GPC6: variants seen among roughly 807,000 people sequenced by gnomAD.
GPC6 encodes glypican-6.
A neutral mutation model predicts 55.2 loss-of-function variants in GPC6; 14 were observed. The observed-to-expected ratio is 0.25, with a 90% CI of 0.17 to 0.40. The LOEUF is 0.40. Among genes scored for constraint, GPC6 ranks in the 10% least tolerant of loss-of-function variants. The probability of loss-of-function intolerance (pLI) is 1.00; values close to 1 mark genes in which losing one functional copy is unlikely to be tolerated. For synonymous variants in GPC6, 278 were observed against 259.6 expected, an observed-to-expected ratio of 1.07 and a Z score of -0.68; for missense variants, 641 against 708.5, an observed-to-expected ratio of 0.90 and a Z score of 1.08.
intron 4 of GPC6, among the ~76,000 whole-genome samples, chr13:94,078,055 T>C (rs1884979561): frequency 6.6e-6 from 1 of 151,928 alleles, no homozygotes; most frequent in Admixed American, 6.6e-5. Context: ...ATTGAAATCA[T>C]GTCAAGTATC....
chr13:93,615,182 A>G lies in GPC6; in HGVS notation c.319+69761A>G, dbSNP rs925814476. On this transcript the variant is annotated intron_variant, in intron 2 of 8. Transcript: ENST00000377047. ...TCCTGTGGTGGAATTTGGTTGGTAT[A>G]CTTCCTAGAATTTAACCCTAACCAG... is the stretch of plus-strand genomic sequence containing the variant. Among the ~76,000 whole-genome samples, 3 of 152,172 alleles carry G rather than the reference A, an allele frequency of 2.0e-5. No individual in the cohort carries two copies. The East Asian group carries it at 5.8e-4, about 29-fold the overall frequency.
chr13:93,439,010 A>G (rs1040842669), intron 1 of GPC6, among the ~76,000 whole-genome samples: 5 of 152,212 alleles, frequency 3.3e-5, no homozygotes, highest in Non-Finnish European at 7.3e-5. Context: ...TTAATGACTC[A>G]CTGAAAGCTG....
At chr13:93,957,715 C>T (rs913374410) in intron 3 of GPC6, among the ~76,000 whole-genome samples, 2 of 152,122 alleles carry the variant, frequency 1.3e-5, no homozygotes, top group East Asian at 3.9e-4. Flanking sequence ...GAATTATGAT[C>T]TATTTTCCTT....
chr13:93,909,883 T>G lies in GPC6; in HGVS notation c.711+79338T>G, dbSNP rs74109119. Among the ~76,000 whole-genome samples, 331 of 152,220 alleles carry G rather than the reference T, an allele frequency of 2.2e-3. 3 individuals carry two copies. The highest frequency in any genetic ancestry group is 7.7e-3 in the African/African-American group (318 of 41,546). On this transcript the variant is annotated intron_variant, in intron 3 of 8. Transcript: ENST00000377047. ...CTCCTCTTCCTTCTCCCTTCCTGCC[T>G]CCCTCCTCTGCTCTCAGGTTCCATC...
intron 4 of GPC6, among the ~76,000 whole-genome samples, chr13:94,265,501 G>A (rs1250790231): frequency 6.6e-6 from 1 of 152,120 alleles, no homozygotes; most frequent in African/African-American, 2.4e-5. Context: ...GGGTGGATCG[G>A]CCTTTCCCAG....
At chr13:93,973,030 CA>C (rs1706389046) in intron 3 of GPC6, among the ~76,000 whole-genome samples, 1 of 151,898 alleles carries the variant, frequency 6.6e-6, no homozygotes, top group Admixed American at 6.6e-5. Context: ...TCCTCAATGT[CA>C]AGAGTCCACT....
intron 4 of GPC6, among the ~76,000 whole-genome samples, chr13:94,083,417 C>A (rs1885178659): frequency 6.6e-6 from 1 of 152,212 alleles, no homozygotes; most frequent in South Asian, 2.1e-4. Flanking sequence ...TGCACCCGGC[C>A]AGGTTTTTCT....
intron 4 of GPC6, among the ~76,000 whole-genome samples, chr13:94,103,902 T>C (rs553740307): frequency 6.6e-6 from 1 of 152,348 alleles, no homozygotes; most frequent in African/African-American, 2.4e-5. Flanking sequence ...ATCCCATTTG[T>C]CTATTTTGGC....
intron 2 of GPC6, among the ~76,000 whole-genome samples, chr13:93,582,527 A>G (rs778374536): frequency 6.6e-6 from 1 of 152,236 alleles, no homozygotes; most frequent in Non-Finnish European, 1.5e-5. Flanking sequence ...AAAGGCTACA[A>G]TGTAGATTAT....
In GPC6 at chr13:93,290,449, G is replaced by A. The variant is rs150260677; in HGVS notation, c.160+62833G>A. 3.8e-3 allele frequency among the ~76,000 whole-genome samples: 574 copies of A among 152,112 alleles called. 1 individual carries two copies. The highest frequency in any genetic ancestry group is 0.012 in the African/African-American group (512 of 41,506). On this transcript the variant is annotated intron_variant, in intron 1 of 8. Coordinates refer to ENST00000377047, the MANE Select transcript of GPC6 (RefSeq NM_005708.5). ...AGGGAAAAAATGGAGACAATAAAAC[G>A]AGTAAATTGGTTCATTTTATTGTAA...
chr13:94,186,189 A>G (rs1282304997), intron 4 of GPC6, among the ~76,000 whole-genome samples: 3 of 152,122 alleles, frequency 2.0e-5, no homozygotes, highest in Non-Finnish European at 4.4e-5. Context: ...AAATAGAGAA[A>G]CACAATGCAT....
chr13:93,714,578 C>T (rs2138813429), intron 2 of GPC6, among the ~76,000 whole-genome samples: 1 of 151,740 alleles, frequency 6.6e-6, no homozygotes, highest in South Asian at 2.1e-4. Flanking sequence ...TGTTCCCATT[C>T]CTGGGTATAA....
intron 1 of GPC6, among the ~76,000 whole-genome samples, chr13:93,439,313 G>C (rs60610935): frequency 0.012 from 1,866 of 152,130 alleles, 39 homozygotes; most frequent in African/African-American, 0.043. Context: ...CACATGTTGT[G>C]GGAGGGACCC....
chr13:93,845,749 C>T (rs1187856224), intron 3 of GPC6, among the ~76,000 whole-genome samples: 3 of 148,030 alleles, frequency 2.0e-5, no homozygotes, highest in East Asian at 2.1e-4. Flanking sequence ...AACCAAACAC[C>T]GTATATTCTC....
intron 4 of GPC6, among the ~76,000 whole-genome samples, chr13:94,193,337 TGTA>T (rs1246122767): frequency 1.3e-5 from 2 of 151,816 alleles, no homozygotes; most frequent in Non-Finnish European, 2.9e-5. Context: ...AGATGAAAAA[TGTA>T]GTATTTCCTT....
chr13:93,797,785 CTG>C (rs1886244550), intron 2 of GPC6, among the ~76,000 whole-genome samples: 1 of 152,172 alleles, frequency 6.6e-6, no homozygotes, highest in African/African-American at 2.4e-5. Flanking sequence ...TGAATTTAAA[CTG>C]AGATCAGTCC....
chr13:94,403,487 C>A lies in GPC6; in HGVS notation c.*270C>A. The A allele has an allele frequency of 2.1e-6, 1 of 475,612 alleles. No individual in the cohort carries two copies. Among genetic ancestry groups the A allele is most frequent in the Non-Finnish European group, 3.8e-6 (1 of 259,858 alleles). 29.5% of individuals were successfully genotyped at this position (475,612 alleles called of 1,614,324 possible). A position where few individuals can be genotyped will look rare whatever the true frequency, so the allele number is the denominator to read the frequency against. On this transcript the variant is annotated 3_prime_UTR_variant, in exon 9 of 9. Transcript: ENST00000377047. ...CAAATTTTTCGTACCAGGAGATTTT[C>A]TTACCTTCATTTGCTTTTATGCTGC... is the stretch of plus-strand genomic sequence containing the variant.
At chr13:93,685,139 C>A (rs1882001492) in intron 2 of GPC6, among the ~76,000 whole-genome samples, 2 of 152,148 alleles carry the variant, frequency 1.3e-5, no homozygotes, top group African/African-American at 2.4e-5. Flanking sequence ...AGTCTATTTT[C>A]TCTTTCATTT....
At chr13:93,431,871 G>A (rs1263724762) in intron 1 of GPC6, among the ~76,000 whole-genome samples, 1 of 152,150 alleles carries the variant, frequency 6.6e-6, no homozygotes. Flanking sequence ...TTCCCTTCCT[G>A]TAGATAAGAG....
Sources: allele counts gnomAD v4.1 joint callset (sites outside exome capture counted in the v4.1 genomes callset), GRCh38; gene constraint gnomAD v4.1.1; transcripts MANE v1.5; gene names NCBI Gene and HGNC (gene_info 2026-07-23, HGNC 2026-07-21).